SLC4A10: variants seen among roughly 807,000 people sequenced by gnomAD.
The protein encoded by SLC4A10 is sodium-driven chloride bicarbonate exchanger.
A neutral mutation model predicts 137.7 loss-of-function variants in SLC4A10; 42 were observed. That is an observed-to-expected ratio of 0.30 (90% CI 0.24 to 0.39). SLC4A10 has a LOEUF of 0.39. Ranked by LOEUF, SLC4A10 falls within the 10% of genes least tolerant of loss-of-function variation. SLC4A10 has a pLI of 1.00. For missense variants in SLC4A10, 925 were observed against 1,355.0 expected, an observed-to-expected ratio of 0.68 and a Z score of 4.98; for synonymous variants, 474 against 464.1, an observed-to-expected ratio of 1.02 and a Z score of -0.27.
intron 1 of SLC4A10, among the ~76,000 whole-genome samples, chr2:161,766,110 T>C (rs923472266): frequency 2.6e-5 from 4 of 152,162 alleles, no homozygotes; most frequent in South Asian, 2.1e-4. Flanking sequence ...GCGTACTGTA[T>C]ATGAAGCTTC....
chr2:161,637,063 A>G (rs1464927698), intron 1 of SLC4A10, among the ~76,000 whole-genome samples: 1 of 124,042 alleles, frequency 8.1e-6, no homozygotes, highest in East Asian at 2.7e-4. Context: ...ATATGTATAT[A>G]TCTATATACA....
At chr2:161,841,323 C>T (rs2059168717) in intron 4 of SLC4A10, among the ~76,000 whole-genome samples, 1 of 152,138 alleles carries the variant, frequency 6.6e-6, no homozygotes, top group African/African-American at 2.4e-5. Context: ...AGTCCTCTAC[C>T]TGCCTCAGCC....
At chr2:161,748,374 T>A (rs528099996) in intron 1 of SLC4A10, among the ~76,000 whole-genome samples, 8 of 152,074 alleles carry the variant, frequency 5.3e-5, no homozygotes, top group Non-Finnish European at 8.8e-5. Flanking sequence ...TTTTCCTCTT[T>A]GTTTTCTTCC....
chr2:161,975,013 G>A (rs10497223), intron 24 of SLC4A10, among the ~76,000 whole-genome samples: 14,740 of 151,950 alleles, frequency 0.097, 1,572 homozygotes, highest in East Asian at 0.24. Context: ...AATAATTTAA[G>A]GTTATGCCAA....
chr2:161,810,778 T>C (rs2056477147), intron 3 of SLC4A10, among the ~76,000 whole-genome samples: 1 of 152,086 alleles, frequency 6.6e-6, no homozygotes, highest in African/African-American at 2.4e-5. Context: ...TAGTATTTTG[T>C]TGAGGATTTT....
chr2:161,828,767 C>CATATATATATATATATATAT (rs58808663), intron 3 of SLC4A10, among the ~76,000 whole-genome samples: 6 of 42,090 alleles, frequency 1.4e-4, no homozygotes, highest in East Asian at 1.0e-3. Flanking sequence ...AATTCTAATT[C>CATATATATATATATATATAT]ATATATATAT....
At chr2:161,685,806 C>T (rs551034977) in intron 1 of SLC4A10, among the ~76,000 whole-genome samples, 1 of 152,154 alleles carries the variant, frequency 6.6e-6, no homozygotes, top group Non-Finnish European at 1.5e-5. Flanking sequence ...ATAGCTGTAT[C>T]ATCCAAGGTT....
Position 161,957,118 on chromosome 2 carries a change from G to C in SLC4A10, c.2671G>C (p.Glu891Gln). 1.2e-6 allele frequency: 2 copies of C among 1,613,734 alleles called. No homozygotes were observed. ...SITHVNSLKL[E>Q]SECSAPGEQP... is the part of the protein sequence containing the mutation. ...CACTCATGTCAATAGCCTAAAACTGGAATCAGAATGCTCAGCTCCAGGAGA... is the reference window on the plus strand; with the variant it reads ...CACTCATGTCAATAGCCTAAAACTGCAATCAGAATGCTCAGCTCCAGGAGA... Residue 891 changes from glutamate to glutamine, a missense_variant, in exon 20 of 27, where the codon GAA (glutamate) becomes CAA (glutamine). Transcript: ENST00000446997.
rs536953582 is a variant in SLC4A10, at chr2:161,643,647, G to A, written c.48+19081G>A. On this transcript the variant is annotated intron_variant, in intron 1 of 26. Transcript: ENST00000446997. ...GTTGAGTCTACTAAGAGAGGGACTGGTAACTACATTTGGTTCTTATATTTG... is the reference window on the plus strand; with the variant it reads ...GTTGAGTCTACTAAGAGAGGGACTGATAACTACATTTGGTTCTTATATTTG... Among the ~76,000 whole-genome samples, 170 of 152,250 alleles carry A rather than the reference G, an allele frequency of 1.1e-3. 2 individuals carry two copies. In the South Asian group the frequency reaches 0.02, roughly 18 times the overall value.
chr2:161,810,222 T>A (rs1022688318), intron 3 of SLC4A10, among the ~76,000 whole-genome samples: 1 of 152,102 alleles, frequency 6.6e-6, no homozygotes, highest in Non-Finnish European at 1.5e-5. Context: ...TGATTTTGTC[T>A]CCTGAAACTT....
chr2:161,752,304 A>G (rs1214986150), intron 1 of SLC4A10, among the ~76,000 whole-genome samples: 4 of 151,936 alleles, frequency 2.6e-5, no homozygotes, highest in East Asian at 1.9e-4. Flanking sequence ...CCTCTCTTGA[A>G]GAAGAGGTCA....
At chr2:161,968,700 T>C (rs1698010486) in intron 23 of SLC4A10, among the ~76,000 whole-genome samples, 1 of 152,114 alleles carries the variant, frequency 6.6e-6, no homozygotes, top group South Asian at 2.1e-4. Flanking sequence ...CAATAAAATA[T>C]AGCTCTGACT....
intron 1 of SLC4A10, among the ~76,000 whole-genome samples, chr2:161,673,097 A>G (rs1302068542): frequency 6.6e-6 from 1 of 152,198 alleles, no homozygotes; most frequent in Admixed American, 6.5e-5. Context: ...TTACTTACTG[A>G]TACACTAAAT....
intron 1 of SLC4A10, among the ~76,000 whole-genome samples, chr2:161,644,624 A>AT (rs2035778126): frequency 6.6e-6 from 1 of 152,154 alleles, no homozygotes; most frequent in East Asian, 1.9e-4. Context: ...ATTATGTACA[A>AT]TTTTTTACTT....
chr2:161,767,410 C>T (rs960565577), intron 1 of SLC4A10, among the ~76,000 whole-genome samples: 5 of 151,222 alleles, frequency 3.3e-5, no homozygotes, highest in African/African-American at 1.2e-4. Context: ...GTTAGGAAAA[C>T]ACTTAACCAT....
chr2:161,743,388 A>G (rs907824338), intron 1 of SLC4A10, among the ~76,000 whole-genome samples: 1 of 152,090 alleles, frequency 6.6e-6, no homozygotes, highest in African/African-American at 2.4e-5. Context: ...CCTTTCTCCA[A>G]TGTATGTTCT....
At chr2:161,664,110 A>C (rs1443133822) in intron 1 of SLC4A10, among the ~76,000 whole-genome samples, 1 of 151,984 alleles carries the variant, frequency 6.6e-6, no homozygotes, top group Non-Finnish European at 1.5e-5. Flanking sequence ...ACTGGACATG[A>C]AAAAAGTAGA....
intron 10 of SLC4A10, 86 bp from the exon 11 acceptor site, chr2:161,894,593 T>G: frequency 9.6e-5 from 60 of 623,180 alleles, no homozygotes; most frequent in South Asian, 2.5e-4. Flanking sequence ...TAATCACATG[T>G]GAGATAACTG....
chr2:161,646,422 G>A (rs2036036149), intron 1 of SLC4A10, among the ~76,000 whole-genome samples: 1 of 151,910 alleles, frequency 6.6e-6, no homozygotes, highest in East Asian at 1.9e-4. Flanking sequence ...TAAAAATAAA[G>A]CAATGCAAAA....
Sources: allele counts gnomAD v4.1 joint callset (sites outside exome capture counted in the v4.1 genomes callset), GRCh38; gene constraint gnomAD v4.1.1; transcripts MANE v1.5; gene names NCBI Gene and HGNC (gene_info 2026-07-23, HGNC 2026-07-21).